SPAG16: variants seen among roughly 807,000 people sequenced by gnomAD.
The protein encoded by SPAG16 is sperm-associated antigen 16 protein.
SPAG16 carries 86 observed loss-of-function variants against 80.4 expected under a neutral mutation model. That is an observed-to-expected ratio of 1.07 (90% CI 0.90 to 1.28). The LOEUF (loss-of-function observed/expected upper bound fraction) is 1.28. Among genes scored for constraint, SPAG16 ranks in the 50% most tolerant of loss-of-function variants. The pLI is 0.00. For missense variants in SPAG16, 870 were observed against 765.3 expected (o/e 1.14, Z -1.61); for synonymous variants, 294 against 265.9 (o/e 1.11, Z -1.03).
chr2:214,250,747 T>TAGAGAG lies in SPAG16; in HGVS notation c.1720+101482_1720+101483insGAGAGA, dbSNP rs1175910690. On this transcript the variant is annotated intron_variant, in intron 15 of 15. Transcript: ENST00000331683. Reference sequence around the variant, plus strand: ...AGGAGCTTTGAGATATATATATATATATATATATATAGAGAGAGAGAGAGA... The same window carrying TAGAGAG: ...AGGAGCTTTGAGATATATATATATATAGAGAGATATATATATAGAGAGAGAGAGAGA... Among the ~76,000 whole-genome samples the TAGAGAG allele has an allele frequency of 8.1e-3, 733 of 90,306 alleles. 2 individuals carry two copies. The highest frequency in any genetic ancestry group is 0.015 in the Non-Finnish European group (556 of 38,262). 59.2% of individuals were successfully genotyped at this position (90,306 alleles called of 152,430 possible). A position where few individuals can be genotyped will look rare whatever the true frequency, so the allele number is the denominator to read the frequency against.
chr2:213,345,606 C>A (rs1214100102), intron 6 of SPAG16, among the ~76,000 whole-genome samples: 1 of 134,230 alleles, frequency 7.4e-6, no homozygotes, highest in East Asian at 2.1e-4. Flanking sequence ...TATGGCTAGC[C>A]AGTTTTCCCA....
chr2:214,262,292 AT>A (rs565231053), intron 15 of SPAG16, among the ~76,000 whole-genome samples: 72 of 152,090 alleles, frequency 4.7e-4, no homozygotes, highest in Non-Finnish European at 8.2e-4. Flanking sequence ...CTTTGAGTTA[AT>A]TTTTTGAACG....
In SPAG16 at chr2:214,232,181, A is replaced by AG. The variant is rs540913060; in HGVS notation, c.1720+82916dup. Among the ~76,000 whole-genome samples, 26 of 152,142 alleles carry AG rather than the reference A, an allele frequency of 1.7e-4. No homozygotes were observed. The East Asian group carries it at 4.8e-3, about 28-fold the overall frequency. On this transcript the variant is annotated intron_variant, in intron 15 of 15. Coordinates refer to ENST00000331683, the MANE Select transcript of SPAG16 (RefSeq NM_024532.5). The stretch of plus-strand genomic sequence containing the variant: ...CAGTCATAGTTAAGGAAGAAGTTGT[A>AG]GAAAAAAAGTAAACATATGGTAGAT...
chr2:213,810,900 C>T (rs1408718551), intron 10 of SPAG16, among the ~76,000 whole-genome samples: 1 of 152,042 alleles, frequency 6.6e-6, no homozygotes, highest in Non-Finnish European at 1.5e-5. Flanking sequence ...GCAGAAAGAC[C>T]ATTCCGATTT....
chr2:213,617,054 C>T (rs2061620666), intron 10 of SPAG16, among the ~76,000 whole-genome samples: 1 of 151,634 alleles, frequency 6.6e-6, no homozygotes, highest in Admixed American at 6.6e-5. Context: ...GTAGGTGGGC[C>T]CCTGCAGATG....
rs7591651 is a variant in SPAG16 at position 213,593,564 on chromosome 2, T to G, written c.1070+103474T>G. ...TTTGTATTATTTATATTTGTATGTT[T>G]CCTGAAGATTTCTGTCAATGTTGTA... is the stretch of plus-strand genomic sequence containing the variant. On this transcript the variant is annotated intron_variant, in intron 10 of 15. Transcript: ENST00000331683. 8.5e-3 allele frequency among the ~76,000 whole-genome samples: 1,295 copies of G among 152,006 alleles called. 26 individuals carry two copies. Among genetic ancestry groups the G allele is most frequent in the African/African-American group, 0.03 (1,236 of 41,510 alleles).
At chr2:213,951,620 G>A (rs577337819) in intron 12 of SPAG16, among the ~76,000 whole-genome samples, 29 of 152,084 alleles carry the variant, frequency 1.9e-4, no homozygotes, top group African/African-American at 6.0e-4. Flanking sequence ...CTTCTTTCAA[G>A]AAAAGATTTA....
At chr2:213,822,580 G>C (rs909661378) in intron 10 of SPAG16, among the ~76,000 whole-genome samples, 2 of 152,024 alleles carry the variant, frequency 1.3e-5, no homozygotes, top group African/African-American at 4.8e-5. Flanking sequence ...TGTGCTTGTG[G>C]AATATTACTT....
At chr2:213,679,305 T>C (rs1363280747) in intron 10 of SPAG16, among the ~76,000 whole-genome samples, 1 of 152,212 alleles carries the variant, frequency 6.6e-6, no homozygotes, top group Non-Finnish European at 1.5e-5. Context: ...TTGCTTTCTT[T>C]CAGAGTTTGA....
intron 5 of SPAG16, among the ~76,000 whole-genome samples, chr2:213,338,501 C>G: frequency 6.6e-6 from 1 of 152,126 alleles, no homozygotes; most frequent in East Asian, 1.9e-4. Flanking sequence ...TAGACTTAAT[C>G]CCATTACTGG....
At chr2:213,955,190 A>G (rs1456401319) in intron 12 of SPAG16, among the ~76,000 whole-genome samples, 1 of 152,144 alleles carries the variant, frequency 6.6e-6, no homozygotes, top group African/African-American at 2.4e-5. Flanking sequence ...GAATAAATTT[A>G]TAATTTCTTC....
rs552601852 is a variant in SPAG16 at position 214,037,517 on chromosome 2, C to G, written c.1527+23440C>G. Among the ~76,000 whole-genome samples the G allele has an allele frequency of 1.7e-3, 251 of 152,120 alleles. 4 individuals carry two copies. Among genetic ancestry groups the G allele is most frequent in the African/African-American group, 5.1e-3 (210 of 41,516 alleles). On this transcript the variant is annotated intron_variant, in intron 13 of 15. Transcript: ENST00000331683. ...TTCACTATTACTTGAGTGTAAAGTT[C>G]TGTGTGTATAATATCTACCTTACTG...
intron 15 of SPAG16, among the ~76,000 whole-genome samples, chr2:214,352,584 C>CTGTGTGTGTGTGTGTGTGTGTGTGTGTG (rs57102028): frequency 2.3e-5 from 3 of 131,448 alleles, no homozygotes; most frequent in African/African-American, 1.2e-4. Flanking sequence ...GTATGTGTGA[C>CTGTGTGTGTGTGTGTGTGTGTGTGTGTG]TATCTCCTAA....
chr2:214,351,034 A>G (rs1419954972), intron 15 of SPAG16, among the ~76,000 whole-genome samples: 2 of 152,134 alleles, frequency 1.3e-5, no homozygotes, highest in Non-Finnish European at 2.9e-5. Context: ...CTGGACAAGC[A>G]GAGAAGCATT....
intron 13 of SPAG16, among the ~76,000 whole-genome samples, chr2:214,100,928 C>T (rs1218037597): frequency 6.6e-6 from 1 of 151,854 alleles, no homozygotes; most frequent in African/African-American, 2.4e-5. Context: ...GTGAAGTGGA[C>T]TCACTTCATA....
At chr2:214,079,469 T>C (rs918687738) in intron 13 of SPAG16, among the ~76,000 whole-genome samples, 3 of 152,246 alleles carry the variant, frequency 2.0e-5, no homozygotes, top group African/African-American at 7.2e-5. Context: ...TAAAATGTTT[T>C]CTTATTTATA....
At chr2:214,306,193 A>T (rs1405791684) in intron 15 of SPAG16, among the ~76,000 whole-genome samples, 2 of 152,048 alleles carry the variant, frequency 1.3e-5, no homozygotes, top group Admixed American at 6.5e-5. Context: ...TTGTTGGTGT[A>T]TTGGAATGAT....
intron 10 of SPAG16, among the ~76,000 whole-genome samples, chr2:213,728,122 T>G (rs1249620954): frequency 6.6e-6 from 1 of 152,198 alleles, no homozygotes; most frequent in Non-Finnish European, 1.5e-5. Context: ...GTGCTTGGAT[T>G]ACAGACGTGA....
At chr2:213,925,234 T>G (rs2078414319) in intron 11 of SPAG16, among the ~76,000 whole-genome samples, 1 of 152,230 alleles carries the variant, frequency 6.6e-6, no homozygotes, top group African/African-American at 2.4e-5. Context: ...ACCAAATTGT[T>G]TGCTCACTAT....
Sources: allele counts gnomAD v4.1 joint callset (sites outside exome capture counted in the v4.1 genomes callset), GRCh38; gene constraint gnomAD v4.1.1; transcripts MANE v1.5; gene names NCBI Gene and HGNC (gene_info 2026-07-23, HGNC 2026-07-21).